The following PLEKHD1 variants were observed in gnomAD, a reference collection of about 807,000 sequenced individuals.
The protein encoded by PLEKHD1 is pleckstrin homology and coiled-coil domain containing D1.
PLEKHD1 carries 51 observed loss-of-function variants against 69.2 expected under a neutral mutation model. That is an observed-to-expected ratio of 0.74 (90% CI 0.59 to 0.93). PLEKHD1 has a LOEUF of 0.93. Among genes scored for constraint, PLEKHD1 ranks in the 40% least tolerant of loss-of-function variants. The pLI, the probability that PLEKHD1 is intolerant of heterozygous loss-of-function variation, is 0.00. For missense variants in PLEKHD1, 584 were observed against 641.0 expected (o/e 0.91, Z 0.96); for synonymous variants, 236 against 244.7 (o/e 0.96, Z 0.33).
At chr14:69,490,412 G>A (rs1296105791) in intron 1 of PLEKHD1, among the ~76,000 whole-genome samples, 1 of 152,222 alleles carries the variant, frequency 6.6e-6, no homozygotes, top group Admixed American at 6.5e-5. Context: ...CCAGCCACGG[G>A]GAGAAGCTGT....
chr14:69,510,646 T>G (rs1344253343), intron 6 of PLEKHD1, among the ~76,000 whole-genome samples: 3 of 152,240 alleles, frequency 2.0e-5, no homozygotes, highest in Non-Finnish European at 4.4e-5. Context: ...TCCAGGAATT[T>G]TTTTGGTCAA....
Position 69,500,122 on chromosome 14 carries a change from A to C in PLEKHD1, c.157A>C (p.Ile53Leu). 1 of 1,548,562 alleles carries C rather than the reference A, an allele frequency of 6.5e-7. No homozygotes were observed. Among genetic ancestry groups the C allele is most frequent in the South Asian group, 1.2e-5 (1 of 83,980 alleles). ...PSAKWSRRFF[I>L]IKESFLLYYS... ...CCCCACCGCCCACTATAGGTTTTTC[A>C]TCATCAAAGAGAGCTTTCTGCTTTA... is the stretch of plus-strand genomic sequence containing the variant. Residue 53 changes from isoleucine (I) to leucine (L), a missense_variant, in exon 2 of 13, where the codon ATC becomes CTC. Physicochemically the swap from Ile to Leu is conservative, Grantham distance 5. Coordinates refer to ENST00000322564, the MANE Select transcript of PLEKHD1 (RefSeq NM_001161498.2).
chr14:69,477,268 A>G, the PLEKHD1 span, among the ~76,000 whole-genome samples: 287 of 152,212 alleles, frequency 1.9e-3, no homozygotes, highest in African/African-American at 6.5e-3. Context: ...CTTATTCACT[A>G]TCACGAGAAC....
intron 1 of PLEKHD1, among the ~76,000 whole-genome samples, 153 bp downstream of exon 1, chr14:69,485,267 T>C (rs925161398): frequency 6.6e-6 from 1 of 152,042 alleles, no homozygotes; most frequent in Non-Finnish European, 1.5e-5. Context: ...CGCAGGAAAA[T>C]GTGGACCATA....
intron 6 of PLEKHD1, among the ~76,000 whole-genome samples, chr14:69,513,027 G>A (rs982182377): frequency 6.6e-6 from 1 of 151,912 alleles, no homozygotes; most frequent in Non-Finnish European, 1.5e-5. Context: ...GAGTTACAAT[G>A]AGCTATGATT....
upstream of PLEKHD1, among the ~76,000 whole-genome samples, chr14:69,484,471 C>A (rs1463121746): frequency 2.0e-5 from 3 of 152,024 alleles, no homozygotes; most frequent in Non-Finnish European, 4.4e-5. Context: ...TGGTGTTGGG[C>A]GCGCGGGGCG....
At chr14:69,479,640 C>T in the PLEKHD1 span, among the ~76,000 whole-genome samples, 1 of 145,664 alleles carries the variant, frequency 6.9e-6, no homozygotes, top group Non-Finnish European at 1.5e-5. Flanking sequence ...GACCCCATCT[C>T]TAAAAAAATA....
chr14:69,512,866 A>T (rs775706241), intron 6 of PLEKHD1, among the ~76,000 whole-genome samples: 7 of 151,752 alleles, frequency 4.6e-5, no homozygotes, highest in Non-Finnish European at 7.4e-5. Context: ...GTTTGTGGCA[A>T]GCCTGGGCAA....
In PLEKHD1 at chr14:69,505,752, C is replaced by T. The variant is rs143301858; in HGVS notation, c.555+2873C>T. Among the ~76,000 whole-genome samples the T allele has an allele frequency of 9.1e-3, 1,383 of 152,294 alleles. 8 individuals carry two copies. The highest frequency in any genetic ancestry group is 0.015 in the Non-Finnish European group (991 of 68,014). On this transcript the variant is annotated intron_variant, in intron 6 of 12. Coordinates refer to ENST00000322564, the MANE Select transcript of PLEKHD1 (RefSeq NM_001161498.2). Reference sequence around the variant, plus strand: ...CCTTGTGCACTGTGTGATGTACAGTCCTGACATCCTCCATGCAGCAGAAAA... The same window carrying T: ...CCTTGTGCACTGTGTGATGTACAGTTCTGACATCCTCCATGCAGCAGAAAA...
At chr14:69,527,756 C>T (rs1885400) in intron 11 of PLEKHD1, 27 bp from the exon 12 acceptor site, 2 of 1,550,876 alleles carry the variant, frequency 1.3e-6, no homozygotes, top group Admixed American at 2.0e-5. Flanking sequence ...AGTCGGAACC[C>T]CACCCTTCCT....
At chr14:69,496,043 A>G (rs1254930351) in intron 1 of PLEKHD1, among the ~76,000 whole-genome samples, 1 of 152,260 alleles carries the variant, frequency 6.6e-6, no homozygotes, top group Non-Finnish European at 1.5e-5. Flanking sequence ...TAATTGCTGA[A>G]TCAATGGAGG....
In PLEKHD1 at chr14:69,486,944, C is replaced by A. The variant is rs989099031; in HGVS notation, c.149+1830C>A. On this transcript the variant is annotated intron_variant, in intron 1 of 12. Coordinates refer to ENST00000322564, the MANE Select transcript of PLEKHD1 (RefSeq NM_001161498.2). ...CTCCATCTTCTCCTCCATCCACTAC[C>A]GTGGCCCCCAAAGCCACCCGAAACG... is the stretch of plus-strand genomic sequence containing the variant. Among the ~76,000 whole-genome samples the A allele has an allele frequency of 3.3e-5, 5 of 152,264 alleles. No homozygotes were observed. The South Asian group carries it at 1.0e-3, about 32-fold the overall frequency.
intron 6 of PLEKHD1, among the ~76,000 whole-genome samples, chr14:69,515,214 A>G (rs1023379394): frequency 2.0e-5 from 3 of 152,174 alleles, no homozygotes; most frequent in Non-Finnish European, 4.4e-5. Flanking sequence ...CCAACCAACC[A>G]ACAAACAAAA....
chr14:69,500,515 C>T, intron 2 of PLEKHD1, 62 bp from the exon 3 acceptor site: 1 of 1,423,548 alleles, frequency 7.0e-7, no homozygotes, highest in Non-Finnish European at 9.4e-7. Context: ...CAGGGGCCCC[C>T]AGAACCCCTG....
Position 69,527,903 on chromosome 14 carries a change from G to A in PLEKHD1, c.1322G>A (p.Arg441Gln), listed in dbSNP as rs761819012. The stretch of plus-strand genomic sequence containing the variant: ...CGCATCAAGAGCTGCCGCTTCCACC[G>A]ACGCCGGTCCAGCACCTCCTGGAAT... ...TRRIKSCRFH[R>Q]RRSSTSWNDM... is the part of the protein sequence containing the mutation. Residue 441 changes from arginine to glutamine, a missense_variant, in exon 12 of 13, where the codon CGA (arginine) becomes CAA (glutamine). Coordinates refer to ENST00000322564, the MANE Select transcript of PLEKHD1 (RefSeq NM_001161498.2). The A allele has an allele frequency of 2.9e-5, 45 of 1,551,432 alleles. No homozygotes were observed. In the East Asian group the frequency reaches 3.4e-4, roughly 12 times the overall value.
intron 6 of PLEKHD1, among the ~76,000 whole-genome samples, chr14:69,509,070 G>A (rs1197151798): frequency 6.6e-6 from 1 of 152,156 alleles, no homozygotes; most frequent in Middle Eastern, 3.2e-3. Flanking sequence ...TTGCTCTGTT[G>A]CCCAGGCTGG....
chr14:69,495,719 C>T (rs1053190645), intron 1 of PLEKHD1, among the ~76,000 whole-genome samples: 1 of 152,228 alleles, frequency 6.6e-6, no homozygotes, highest in Non-Finnish European at 1.5e-5. Flanking sequence ...GCCTCAGGGC[C>T]TTTGCACCTG....
rs1882616552 is a variant in PLEKHD1, at chr14:69,484,830, C to A, written c.-136C>A. ...CAGTGCCCAGCGCGCTTTGATGCTGCAGCTCCGGGCCGGGCCGCTCTGCTT... is the reference window on the plus strand; with the variant it reads ...CAGTGCCCAGCGCGCTTTGATGCTGAAGCTCCGGGCCGGGCCGCTCTGCTT... On this transcript the variant is annotated 5_prime_UTR_variant, in exon 1 of 13. Transcript: ENST00000322564. The A allele has an allele frequency of 9.4e-6, 10 of 1,058,634 alleles. No homozygotes were observed. The highest frequency in any genetic ancestry group is 1.3e-5 in the Non-Finnish European group (10 of 752,108). 65.6% of individuals were successfully genotyped at this position (1,058,634 alleles called of 1,614,324 possible). A position where few individuals can be genotyped will look rare whatever the true frequency, so the allele number is the denominator to read the frequency against.
Position 69,528,496 on chromosome 14 carries a change from C to A in PLEKHD1, c.*77C>A, listed in dbSNP as rs943350525. 2 of 1,478,040 alleles carry A rather than the reference C, an allele frequency of 1.4e-6. No homozygotes were observed. Among genetic ancestry groups the A allele is most frequent in the Non-Finnish European group, 1.8e-6 (2 of 1,107,270 alleles). The allele number at this position is 1,478,040 out of a possible 1,614,324, so 91.6% of individuals were successfully genotyped here. A position where few individuals can be genotyped will look rare whatever the true frequency, so the allele number is the denominator to read the frequency against. ...GAAGGGGTGGCAGAGGGAGGCCTCA[C>A]TCTACCAGCTCCTGGCCTCTCTGGT... On this transcript the variant is annotated 3_prime_UTR_variant, in exon 13 of 13. Coordinates refer to ENST00000322564, the MANE Select transcript of PLEKHD1 (RefSeq NM_001161498.2).
Sources: gnomAD v4.1 joint callset for allele counts (sites outside exome capture counted in the v4.1 genomes callset) on GRCh38, gnomAD v4.1.1 for gene constraint, MANE v1.5 for transcripts, NCBI Gene and HGNC (gene_info 2026-07-23, HGNC 2026-07-21) for gene names.